NOL4: variants seen among roughly 807,000 people sequenced by gnomAD.
The protein encoded by NOL4 is nucleolar protein 4.
A neutral mutation model predicts 75.9 loss-of-function variants in NOL4; 17 were observed. That is an observed-to-expected ratio of 0.22 (90% CI 0.15 to 0.34). The LOEUF (loss-of-function observed/expected upper bound fraction) is 0.34. Ranked by LOEUF, NOL4 falls within the 10% of genes least tolerant of loss-of-function variation. The pLI is 1.00. For missense variants in NOL4, 614 were observed against 793.5 expected (o/e 0.77, Z 2.72); for synonymous variants, 292 against 289.9 (o/e 1.01, Z -0.07).
intron 8 of NOL4, among the ~76,000 whole-genome samples, chr18:33,949,710 C>T (rs897364765): frequency 1.3e-5 from 2 of 151,984 alleles, no homozygotes; most frequent in African/African-American, 4.8e-5. Flanking sequence ...GGAATATAAG[C>T]CAGTTAACCT....
At chr18:34,009,441 T>G (rs753572155) in intron 6 of NOL4, among the ~76,000 whole-genome samples, 4 of 151,970 alleles carry the variant, frequency 2.6e-5, no homozygotes, top group Non-Finnish European at 4.4e-5. Context: ...AAATGAATAT[T>G]AACGAATGGA....
chr18:34,047,358 G>T (rs1007511061), intron 5 of NOL4, among the ~76,000 whole-genome samples: 4 of 151,760 alleles, frequency 2.6e-5, no homozygotes, highest in Non-Finnish European at 5.9e-5. Context: ...TTTACACAGG[G>T]GAAACAATCC....
At chr18:33,987,938 C>T (rs2072593379) in intron 6 of NOL4, among the ~76,000 whole-genome samples, 1 of 152,040 alleles carries the variant, frequency 6.6e-6, no homozygotes, top group Non-Finnish European at 1.5e-5. Context: ...AGCACCCTCC[C>T]CACTCCACAT....
chr18:33,913,391 A>G (rs1422415968), intron 9 of NOL4, among the ~76,000 whole-genome samples: 1 of 152,144 alleles, frequency 6.6e-6, no homozygotes, highest in Non-Finnish European at 1.5e-5. Context: ...GATTAATCCA[A>G]TCATCAGTGT....
intron 1 of NOL4, among the ~76,000 whole-genome samples, chr18:34,198,876 A>C (rs2146464305): frequency 6.6e-6 from 1 of 151,954 alleles, no homozygotes; most frequent in South Asian, 2.1e-4. Flanking sequence ...TACAAGCTCA[A>C]GTTCAAGTTC....
intron 1 of NOL4, among the ~76,000 whole-genome samples, chr18:34,163,222 T>A (rs1286050376): frequency 6.6e-6 from 1 of 152,094 alleles, no homozygotes; most frequent in Non-Finnish European, 1.5e-5. Flanking sequence ...TTCAACATAG[T>A]GTTGGAAGTT....
rs766671844 is a variant in NOL4 at position 34,223,872 on chromosome 18, C to T, written c.-619G>A. On this transcript the variant is annotated 5_prime_UTR_variant, in exon 1 of 11. Coordinates refer to ENST00000261592, the MANE Select transcript of NOL4 (RefSeq NM_003787.5). ...GGTCCTGCTTTGACCTTCCCCACGACGGGTGTTAAGGGACTAGAAAGAGAA... is the reference window on the plus strand; with the variant it reads ...GGTCCTGCTTTGACCTTCCCCACGATGGGTGTTAAGGGACTAGAAAGAGAA... The T allele has an allele frequency of 3.3e-5, 5 of 152,534 alleles. No individual in the cohort carries two copies. Among genetic ancestry groups the T allele is most frequent in the East Asian group, 1.9e-4 (1 of 5,186 alleles). The allele number at this position is 152,534 out of a possible 1,614,324, so 9.4% of individuals were successfully genotyped here. A position where few individuals can be genotyped will look rare whatever the true frequency, so the allele number is the denominator to read the frequency against.
At chr18:33,853,725 A>G (rs2062719329) in intron 10 of NOL4, among the ~76,000 whole-genome samples, 1 of 152,112 alleles carries the variant, frequency 6.6e-6, no homozygotes, top group Admixed American at 6.6e-5. Flanking sequence ...ACCACAGAGA[A>G]CCTAGACATT....
intron 6 of NOL4, among the ~76,000 whole-genome samples, chr18:33,974,519 CATTT>C (rs1350553542): frequency 6.6e-6 from 1 of 152,100 alleles, no homozygotes; most frequent in Non-Finnish European, 1.5e-5. Flanking sequence ...ATACACACGA[CATTT>C]ATTTATTTCA....
rs184385486 is a variant in NOL4, at chr18:33,976,224, C to A, written c.1057-17806G>T. Among the ~76,000 whole-genome samples the A allele has an allele frequency of 1.6e-4, 24 of 152,266 alleles. No individual in the cohort carries two copies. The East Asian group carries it at 3.5e-3, about 22-fold the overall frequency. The stretch of plus-strand genomic sequence containing the variant: ...ATCCTTGTGACCGTCTCACAGCACA[C>A]AAGCCTGGTGTGCTATATGGTTATT... On this transcript the variant is annotated intron_variant, in intron 6 of 10. Transcript: ENST00000261592.
intron 8 of NOL4, among the ~76,000 whole-genome samples, chr18:33,946,227 A>T (rs959191712): frequency 6.6e-6 from 1 of 151,644 alleles, no homozygotes; most frequent in Admixed American, 6.6e-5. Flanking sequence ...AATGTACTAT[A>T]TCTCAATAAT....
chr18:34,167,870 G>T (rs964068065), intron 1 of NOL4, among the ~76,000 whole-genome samples: 4 of 151,920 alleles, frequency 2.6e-5, no homozygotes, highest in African/African-American at 9.7e-5. Flanking sequence ...CAAGGAATTG[G>T]AGGGAAAGGA....
chr18:33,871,013 A>G (rs2063674036), intron 10 of NOL4, among the ~76,000 whole-genome samples: 1 of 152,064 alleles, frequency 6.6e-6, no homozygotes, highest in Admixed American at 6.6e-5. Context: ...CAAAACTTGC[A>G]CTGTGTGGAC....
At chr18:33,861,285 G>A (rs1270547335) in intron 10 of NOL4, among the ~76,000 whole-genome samples, 3 of 152,118 alleles carry the variant, frequency 2.0e-5, no homozygotes, top group Non-Finnish European at 4.4e-5. Context: ...TGGTTGGTAA[G>A]CTATGGATTA....
intron 1 of NOL4, among the ~76,000 whole-genome samples, chr18:34,199,252 A>G (rs1420965401): frequency 1.3e-5 from 2 of 151,430 alleles, no homozygotes; most frequent in Non-Finnish European, 3.0e-5. Flanking sequence ...TTTAGTTCAA[A>G]CTTCATACCT....
At chr18:34,217,893 T>C (rs1274324164) in intron 1 of NOL4, among the ~76,000 whole-genome samples, 1 of 152,074 alleles carries the variant, frequency 6.6e-6, no homozygotes, top group Non-Finnish European at 1.5e-5. Context: ...ACTGCATCTT[T>C]AGTTAAACTT....
intron 8 of NOL4, among the ~76,000 whole-genome samples, chr18:33,952,313 C>T (rs1044223440): frequency 1.3e-5 from 2 of 152,050 alleles, no homozygotes; most frequent in Non-Finnish European, 2.9e-5. Context: ...AAACAATGAG[C>T]AAAGGTACCC....
intron 9 of NOL4, among the ~76,000 whole-genome samples, chr18:33,929,370 T>C (rs1410321107): frequency 6.6e-6 from 1 of 152,136 alleles, no homozygotes; most frequent in Non-Finnish European, 1.5e-5. Context: ...AATCAAAAGG[T>C]CTGCCTTAAC....
At chr18:33,906,125 A>G (rs542202176) in intron 9 of NOL4, among the ~76,000 whole-genome samples, 1 of 152,362 alleles carries the variant, frequency 6.6e-6, no homozygotes, top group East Asian at 1.9e-4. Flanking sequence ...TTGAAAGCAA[A>G]TAACAGTTCC....
Sources: gnomAD v4.1 joint callset for allele counts (sites outside exome capture counted in the v4.1 genomes callset) on GRCh38, gnomAD v4.1.1 for gene constraint, MANE v1.5 for transcripts, NCBI Gene and HGNC (gene_info 2026-07-23, HGNC 2026-07-21) for gene names.